KCNH8: variants seen among roughly 807,000 people sequenced by gnomAD.
The protein encoded by KCNH8 is voltage-gated delayed rectifier potassium channel KCNH8.
In KCNH8, 70 loss-of-function variants were observed where a neutral mutation model predicts 103.6. The ratio of observed to expected loss-of-function variants is 0.68; its 90% CI spans 0.56 to 0.82. The LOEUF (loss-of-function observed/expected upper bound fraction) is 0.82, where lower values mean the gene tolerates loss of function less well. Ranked by LOEUF, KCNH8 falls within the 40% of genes least tolerant of loss-of-function variation. The pLI is 0.00. For missense variants in KCNH8, 1,217 were observed against 1,329.9 expected (o/e 0.92, Z 1.32); for synonymous variants, 498 against 489.4 (o/e 1.02, Z -0.23).
intron 11 of KCNH8, among the ~76,000 whole-genome samples, chr3:19,503,695 G>T (rs1000598484): frequency 6.7e-6 from 1 of 148,598 alleles, no homozygotes; most frequent in Admixed American, 6.8e-5. Context: ...ACCAAACACC[G>T]CATATTCTCA....
chr3:19,294,237 T>C (rs1172417042), intron 3 of KCNH8, among the ~76,000 whole-genome samples: 1 of 152,150 alleles, frequency 6.6e-6, no homozygotes, highest in Non-Finnish European at 1.5e-5. Flanking sequence ...TTATTTGTTA[T>C]AAAAAATAAA....
chr3:19,229,334 T>A (rs1001484127), intron 1 of KCNH8, among the ~76,000 whole-genome samples: 5 of 152,188 alleles, frequency 3.3e-5, no homozygotes, highest in African/African-American at 1.2e-4. Context: ...TCTCCATGAG[T>A]GCCCTACCCC....
At position 19,148,691 on chromosome 3, in the gene KCNH8, G is replaced by A; in HGVS notation, c.-29G>A. 6.2e-7 allele frequency: 1 copy of A among 1,609,374 alleles called. No individual in the cohort carries two copies. The highest frequency in any genetic ancestry group is 8.5e-7 in the Non-Finnish European group (1 of 1,175,636). ...CGAACCATCCTTCTGGACAAACTTTGATGGAGAATTTCACACCACGCTGGA... is the reference window on the plus strand; with the variant it reads ...CGAACCATCCTTCTGGACAAACTTTAATGGAGAATTTCACACCACGCTGGA... On this transcript the variant is annotated 5_prime_UTR_variant, in exon 1 of 16. Transcript: ENST00000328405.
At chr3:19,380,913 T>A (rs555588471) in intron 5 of KCNH8, among the ~76,000 whole-genome samples, 32 of 152,360 alleles carry the variant, frequency 2.1e-4, no homozygotes, top group African/African-American at 7.7e-4. Context: ...TTTCTACTGA[T>A]GGCATTCATA....
intron 11 of KCNH8, among the ~76,000 whole-genome samples, chr3:19,491,712 G>T (rs541526553): frequency 6.6e-6 from 1 of 152,178 alleles, no homozygotes; most frequent in Non-Finnish European, 1.5e-5. Flanking sequence ...CCCAGTAATG[G>T]AATTGCTGGG....
At chr3:19,368,339 A>G (rs1413761933) in intron 5 of KCNH8, among the ~76,000 whole-genome samples, 3 of 152,066 alleles carry the variant, frequency 2.0e-5, no homozygotes, top group African/African-American at 7.2e-5. Flanking sequence ...AGTGTAGGAA[A>G]GATATCTGTG....
chr3:19,290,721 T>G (rs984653654), intron 3 of KCNH8, among the ~76,000 whole-genome samples: 8 of 152,148 alleles, frequency 5.3e-5, no homozygotes, highest in Admixed American at 1.3e-4. Flanking sequence ...TTTTGGTTGT[T>G]TCTCTGCCCG....
At chr3:19,389,628 GTTTT>G (rs1242030062) in intron 5 of KCNH8, among the ~76,000 whole-genome samples, 1 of 151,810 alleles carries the variant, frequency 6.6e-6, no homozygotes, top group Non-Finnish European at 1.5e-5. Context: ...TATTTAGTGG[GTTTT>G]TTGTTTTTGT....
intron 5 of KCNH8, among the ~76,000 whole-genome samples, chr3:19,355,526 A>G (rs1480861582): frequency 6.6e-6 from 1 of 152,172 alleles, no homozygotes. Context: ...AATGTGGCAC[A>G]TATACAACAT....
intron 3 of KCNH8, among the ~76,000 whole-genome samples, chr3:19,318,665 A>G (rs1389318100): frequency 6.2e-3 from 122 of 19,796 alleles, no homozygotes; most frequent in African/African-American, 0.031. Context: ...GTGTGTGTAC[A>G]CACACACACA....
At chr3:19,384,470 A>G (rs1046294225) in intron 5 of KCNH8, among the ~76,000 whole-genome samples, 1 of 152,246 alleles carries the variant, frequency 6.6e-6, no homozygotes, top group African/African-American at 2.4e-5. Context: ...TATTAGGACC[A>G]ATATGTATGA....
At chr3:19,232,317 A>G (rs1173786603) in intron 1 of KCNH8, among the ~76,000 whole-genome samples, 2 of 152,152 alleles carry the variant, frequency 1.3e-5, no homozygotes, top group African/African-American at 4.8e-5. Flanking sequence ...CATATCCTTC[A>G]CTGAGAATCT....
chr3:19,217,324 G>A (rs939784747), intron 1 of KCNH8, among the ~76,000 whole-genome samples: 3 of 152,132 alleles, frequency 2.0e-5, no homozygotes, highest in African/African-American at 7.2e-5. Context: ...TGAGCAAGTT[G>A]CACACACAGG....
chr3:19,310,217 T>C (rs1481369249), intron 3 of KCNH8, among the ~76,000 whole-genome samples: 2 of 151,942 alleles, frequency 1.3e-5, no homozygotes, highest in Non-Finnish European at 2.9e-5. Flanking sequence ...TGGAAGAATT[T>C]TCCTTTTATT....
At chr3:19,375,479 G>C (rs1272209177) in intron 5 of KCNH8, among the ~76,000 whole-genome samples, 1 of 150,324 alleles carries the variant, frequency 6.7e-6, no homozygotes, top group Non-Finnish European at 1.5e-5. Flanking sequence ...GCACTTCTCT[G>C]TATTGGTTAT....
intron 8 of KCNH8, among the ~76,000 whole-genome samples, chr3:19,442,318 C>T (rs2067295551): frequency 1.3e-5 from 2 of 152,146 alleles, no homozygotes; most frequent in African/African-American, 4.8e-5. Context: ...AATACTTGCC[C>T]ATGTTTCTTC....
intron 7 of KCNH8, among the ~76,000 whole-genome samples, chr3:19,435,336 C>A (rs1433822340): frequency 1.3e-5 from 2 of 152,086 alleles, no homozygotes; most frequent in Non-Finnish European, 2.9e-5. Context: ...TTTTTCACAT[C>A]TTTAAAGTAG....
chr3:19,456,241 CTA>C (rs1351645915), intron 10 of KCNH8, among the ~76,000 whole-genome samples: 2 of 151,978 alleles, frequency 1.3e-5, no homozygotes, highest in African/African-American at 4.8e-5. Flanking sequence ...TTTTAAAACT[CTA>C]TTTTTTATTT....
chr3:19,263,565 C>T (rs867776353), intron 2 of KCNH8, among the ~76,000 whole-genome samples: 5 of 152,070 alleles, frequency 3.3e-5, no homozygotes, highest in East Asian at 3.9e-4. Context: ...AAAGTGCCTA[C>T]GCAAGGCCTC....
Sources: allele counts gnomAD v4.1 joint callset (sites outside exome capture counted in the v4.1 genomes callset), GRCh38; gene constraint gnomAD v4.1.1; transcripts MANE v1.5; gene names NCBI Gene and HGNC (gene_info 2026-07-23, HGNC 2026-07-21).